KIF26A: variants seen among roughly 807,000 people sequenced by gnomAD.
The protein encoded by KIF26A is kinesin-like protein KIF26A.
KIF26A carries 74 observed loss-of-function variants against 126.0 expected under a neutral mutation model. That is an observed-to-expected ratio of 0.59 (90% CI 0.49 to 0.71). KIF26A has a LOEUF of 0.71. Ranked by LOEUF, KIF26A falls within the 30% of genes least tolerant of loss-of-function variation. The pLI, the probability that KIF26A is intolerant of heterozygous loss-of-function variation, is 0.00. For missense variants in KIF26A, 2,984 were observed against 2,763.3 expected, an observed-to-expected ratio of 1.08 and a Z score of -1.79; for synonymous variants, 1,445 against 1,232.7, an observed-to-expected ratio of 1.17 and a Z score of -3.61.
At position 104,157,740 on chromosome 14, in the gene KIF26A, T is replaced by C; in HGVS notation, c.736-15T>C. 4 of 1,608,622 alleles carry C rather than the reference T, an allele frequency of 2.5e-6. No homozygotes were observed. Among genetic ancestry groups the C allele is most frequent in the Non-Finnish European group, 3.4e-6 (4 of 1,178,370 alleles). ...GCCCTTGCGTTCCTTATACGCACTC[T>C]CTCCTTCCCTCCAGGCCGAGGCAGC... On this transcript the variant is annotated splice_polypyrimidine_tract_variant and intron_variant, in intron 3 of 14. Coordinates refer to ENST00000423312, the MANE Select transcript of KIF26A (RefSeq NM_015656.2).
rs1218587055 is a variant in KIF26A, at chr14:104,152,021, T to C, written c.295T>C (p.Cys99Arg). ...TGTCCCTTGCTGTCCTCAGGATCCT[T>C]GCCTCTCTGCCCTGCTTCTCGACAA... ...SGPGTTLRDP[C>R]LSALLLDKLP... Residue 99 changes from cysteine to arginine, a missense_variant, in exon 3 of 15, where the codon TGC becomes CGC. Transcript: ENST00000423312. This position sits in a 1 kb window ranked among gnomAD's most constrained non-coding sequence, Gnocchi z 5.9. 2 of 1,612,564 alleles carry C rather than the reference T, an allele frequency of 1.2e-6. No individual in the cohort carries two copies. The highest frequency in any genetic ancestry group is 1.7e-6 in the Non-Finnish European group (2 of 1,179,726).
At chr14:104,160,109 G>A (rs1482639842) in intron 4 of KIF26A, among the ~76,000 whole-genome samples, 1 of 152,216 alleles carries the variant, frequency 6.6e-6, no homozygotes, top group African/African-American at 2.4e-5. Flanking sequence ...GAGGGACCGA[G>A]GGGCACCTCT....
At chr14:104,179,416 C>A in intron 14 of KIF26A, 30 bp downstream of exon 14, 1 of 1,470,120 alleles carries the variant, frequency 6.8e-7, no homozygotes, top group South Asian at 1.4e-5. Flanking sequence ...GGACCCAGCC[C>A]GGCCCACCGT....
In KIF26A at chr14:104,178,442, C is replaced by T. The variant is rs548881681; in HGVS notation, c.5111-108C>T. The T allele has an allele frequency of 5.9e-4, 502 of 846,498 alleles. 2 individuals carry two copies. Among genetic ancestry groups the T allele is most frequent in the South Asian group, 4.2e-3 (177 of 42,618 alleles). The allele number at this position is 846,498 out of a possible 1,614,324, so 52.4% of individuals were successfully genotyped here. A position where few individuals can be genotyped will look rare whatever the true frequency, so the allele number is the denominator to read the frequency against. ...GCCTGAGGATTCCTGGACTGGATCC[C>T]GAAGGCCTCCCTGTCAGGACTCGGG... On this transcript the variant is annotated intron_variant, in intron 12 of 14. Coordinates refer to ENST00000423312, the MANE Select transcript of KIF26A (RefSeq NM_015656.2).
In KIF26A at chr14:104,179,262, G is replaced by A. The variant is rs1472676857; in HGVS notation, c.5343G>A (p.Leu1781=). The A allele has an allele frequency of 7.9e-6, 12 of 1,522,308 alleles. No homozygotes were observed. The South Asian group carries it at 1.4e-4, about 17-fold the overall frequency. The allele number at this position is 1,522,308 out of a possible 1,614,324, so 94.3% of individuals were successfully genotyped here. ...TQGLACVSTR[L]RLAERRQQRL... is the part of the protein sequence containing the mutation. Reference sequence around the variant, plus strand: ...GTCTGGCGTGCGTCAGTACAAGGCTGCGGCTGGCGGAGCGCAGGCAGCAGC... The same window carrying A: ...GTCTGGCGTGCGTCAGTACAAGGCTACGGCTGGCGGAGCGCAGGCAGCAGC... Residue 1781 remains leucine, a synonymous_variant, in exon 14 of 15, where the codon CTG becomes CTA. Transcript: ENST00000423312.
chr14:104,163,743 T>C (rs1235918487), intron 4 of KIF26A, among the ~76,000 whole-genome samples: 8 of 143,854 alleles, frequency 5.6e-5, no homozygotes, highest in African/African-American at 2.1e-4. Flanking sequence ...CTGCTCTGAC[T>C]CACACCTGCA....
At chr14:104,163,397 G>A (rs2037850617) in intron 4 of KIF26A, among the ~76,000 whole-genome samples, 1 of 152,188 alleles carries the variant, frequency 6.6e-6, no homozygotes, top group African/African-American at 2.4e-5. Context: ...GGGCGAGTGT[G>A]TCGGCCTCCA....
chr14:104,177,383 C>A lies in KIF26A; in HGVS notation c.4595C>A (p.Ala1532Asp), dbSNP rs759265400. The A allele has an allele frequency of 6.9e-5, 103 of 1,485,070 alleles. No individual in the cohort carries two copies. The highest frequency in any genetic ancestry group is 8.7e-5 in the Non-Finnish European group (98 of 1,122,016). 92.0% of individuals were successfully genotyped at this position (1,485,070 alleles called of 1,614,324 possible). A position where few individuals can be genotyped will look rare whatever the true frequency, so the allele number is the denominator to read the frequency against. Reference protein sequence around the residue: ...VTGRSPGGPVAGPRAAPRAGP... With the variant: ...VTGRSPGGPVDGPRAAPRAGP... Reference sequence around the variant, plus strand: ...GGCAGGAGCCCTGGCGGCCCTGTGGCCGGTCCCAGAGCAGCCCCACGGGCC... The same window carrying A: ...GGCAGGAGCCCTGGCGGCCCTGTGGACGGTCCCAGAGCAGCCCCACGGGCC... The change falls in exon 12 of 15, where the codon GCC (alanine) becomes GAC (aspartate). Residue 1532 changes from alanine (A) to aspartate (D), a missense_variant. Physicochemically the swap from Ala to Asp is moderately radical, Grantham distance 126. Coordinates refer to ENST00000423312, the MANE Select transcript of KIF26A (RefSeq NM_015656.2).
intron 2 of KIF26A, among the ~76,000 whole-genome samples, chr14:104,150,308 C>T (rs920185294): frequency 7.3e-5 from 11 of 150,436 alleles, no homozygotes; most frequent in Admixed American, 6.6e-5. Flanking sequence ...ATTGGCTAAT[C>T]GGGACCAGAC....
In KIF26A at chr14:104,152,769, C is replaced by T. The variant is rs977179525; in HGVS notation, c.735+308C>T. The stretch of plus-strand genomic sequence containing the variant: ...GTGCCCAGCACAGGGCTTGGCGATG[C>T]ACAGGGCACCGTGTGTAGATCGGGG... On this transcript the variant is annotated intron_variant, in intron 3 of 14. Transcript: ENST00000423312. This position sits in a 1 kb window ranked among gnomAD's most constrained non-coding sequence, Gnocchi z 5.9. Among the ~76,000 whole-genome samples, 8 of 152,212 alleles carry T rather than the reference C, an allele frequency of 5.3e-5. No homozygotes were observed. The highest frequency in any genetic ancestry group is 1.9e-4 in the African/African-American group (8 of 41,462).
At chr14:104,153,336 G>T (rs553507455) in intron 3 of KIF26A, among the ~76,000 whole-genome samples, 34 of 152,188 alleles carry the variant, frequency 2.2e-4, no homozygotes, top group Admixed American at 7.2e-4. Context: ...GGAACTTCTG[G>T]ACACCCCCCG....
intron 4 of KIF26A, among the ~76,000 whole-genome samples, chr14:104,161,137 C>T (rs1363455921): frequency 6.6e-6 from 1 of 152,220 alleles, no homozygotes; most frequent in Non-Finnish European, 1.5e-5. Flanking sequence ...AAGTGTGGAC[C>T]ACAGCAGGGC....
rs1008480966 is a variant in KIF26A at position 104,159,420 on chromosome 14, C to G, written c.923+1478C>G. Among the ~76,000 whole-genome samples, 4 of 152,222 alleles carry G rather than the reference C, an allele frequency of 2.6e-5. No individual in the cohort carries two copies. In the South Asian group the frequency reaches 6.2e-4, roughly 24 times the overall value. ...AATAGCTCCAGTGCTCAGAGCTCCCCCGGTCCCTGATGCTAAGCCCCCTGG... is the reference window on the plus strand; with the variant it reads ...AATAGCTCCAGTGCTCAGAGCTCCCGCGGTCCCTGATGCTAAGCCCCCTGG... On this transcript the variant is annotated intron_variant, in intron 4 of 14. Coordinates refer to ENST00000423312, the MANE Select transcript of KIF26A (RefSeq NM_015656.2).
At chr14:104,179,582 G>A (rs989961145) in intron 14 of KIF26A, 27 bp from the exon 15 acceptor site, 3 of 1,485,156 alleles carry the variant, frequency 2.0e-6, no homozygotes, top group Non-Finnish European at 1.8e-6. Flanking sequence ...TGACGCAGGT[G>A]CCCCTCCCCT....
rs999889858 is a variant in KIF26A, at chr14:104,171,878, T to G, written c.1269T>G (p.Thr423=). ...GCGCAGGCCCCCGGCGAGCCGCCACTGCTGCAGTTCCCAAGATGTTTGCCT... is the reference window on the plus strand; with the variant it reads ...GCGCAGGCCCCCGGCGAGCCGCCACGGCTGCAGTTCCCAAGATGTTTGCCT... ...PGSAGPRRAA[T]AAVPKMFAFD... Residue 423 remains threonine, a synonymous_variant, in exon 6 of 15, where the codon ACT becomes ACG. Coordinates refer to ENST00000423312, the MANE Select transcript of KIF26A (RefSeq NM_015656.2). 3.8e-6 allele frequency: 6 copies of G among 1,558,878 alleles called. No individual in the cohort carries two copies. The African/African-American group carries it at 8.2e-5, about 21-fold the overall frequency.
intron 2 of KIF26A, among the ~76,000 whole-genome samples, chr14:104,149,238 GC>G (rs1193704309): frequency 3.3e-5 from 5 of 152,182 alleles, no homozygotes; most frequent in East Asian, 1.9e-4. Context: ...GCCTCTCAGT[GC>G]CCCCCATGGA....
chr14:104,177,342 T>C lies in KIF26A; in HGVS notation c.4554T>C (p.Ser1518=), dbSNP rs757293105. The part of the protein sequence containing the change: ...SRALGPSVKL[S]TASVTGRSPG... ...CTCTGGGGCCTTCGGTGAAGCTGTC[T>C]ACGGCCTCTGTGACGGGCAGGAGCC... The change falls in exon 12 of 15, where the codon TCT becomes TCC. Residue 1518 remains serine, a synonymous_variant. Transcript: ENST00000423312. 6.6e-7 allele frequency: 1 copy of C among 1,505,846 alleles called. No homozygotes were observed. Among genetic ancestry groups the C allele is most frequent in the Admixed American group, 2.2e-5 (1 of 46,092 alleles). 93.3% of individuals were successfully genotyped at this position (1,505,846 alleles called of 1,614,324 possible). A position where few individuals can be genotyped will look rare whatever the true frequency, so the allele number is the denominator to read the frequency against.
rs1246380436 is a variant in KIF26A at position 104,175,602 on chromosome 14, G to A, written c.2814G>A (p.Lys938=). 6.2e-7 allele frequency: 1 copy of A among 1,610,650 alleles called. No individual in the cohort carries two copies. Among genetic ancestry groups the A allele is most frequent in the Non-Finnish European group, 8.5e-7 (1 of 1,179,724 alleles). Residue 938 remains lysine, a synonymous_variant, in exon 12 of 15, where the codon AAG becomes AAA. Coordinates refer to ENST00000423312, the MANE Select transcript of KIF26A (RefSeq NM_015656.2). ...GGCCTGAGCTGCTGGTCCCGGAAAA[G>A]GCTGCAGTGAGTGGAGGCAGGAGGC... The part of the protein sequence containing the change: ...SAWPELLVPE[K]AAVSGGRRPL...
intron 2 of KIF26A, among the ~76,000 whole-genome samples, chr14:104,146,133 A>G (rs2037678341): frequency 6.6e-6 from 1 of 152,046 alleles, no homozygotes; most frequent in Admixed American, 6.6e-5. Context: ...AGTCTCTCTG[A>G]GCCTCAGTCT....
Sources: allele counts gnomAD v4.1 joint callset (sites outside exome capture counted in the v4.1 genomes callset), GRCh38; gene constraint gnomAD v4.1.1; non-coding constraint Gnocchi (gnomAD v3.1); transcripts MANE v1.5; gene names NCBI Gene and HGNC (gene_info 2026-07-23, HGNC 2026-07-21).